The following FHIP2A variants were observed in gnomAD, a reference collection of about 807,000 sequenced individuals.
The protein encoded by FHIP2A is family with sequence similarity 160 member B1.
In FHIP2A, 46 loss-of-function variants were observed where a neutral mutation model predicts 93.5. The observed-to-expected ratio is 0.49, with a 90% CI of 0.39 to 0.63. The LOEUF is 0.63. FHIP2A is among the 20% of genes least tolerant of loss of function. The pLI, the probability that FHIP2A is intolerant of heterozygous loss-of-function variation, is 0.00. For missense variants in FHIP2A, 769 were observed against 909.7 expected (o/e 0.85, Z 1.99); for synonymous variants, 332 against 326.5 (o/e 1.02, Z -0.18).
rs1332952974 is a variant in FHIP2A at position 114,863,484 on chromosome 10, T to C, written c.*1944T>C. The C allele has an allele frequency of 9.8e-6, 11 of 1,120,340 alleles. No homozygotes were observed. In the Middle Eastern group the frequency reaches 1.2e-3, roughly 127 times the overall value. 69.4% of individuals were successfully genotyped at this position (1,120,340 alleles called of 1,614,324 possible). A position where few individuals can be genotyped will look rare whatever the true frequency, so the allele number is the denominator to read the frequency against. ...TTATAACTAGTCCATGAAACCAAGC[T>C]CAGAAAAGCTTTAACTCTTATATTT... On this transcript the variant is annotated 3_prime_UTR_variant, in exon 17 of 17. Transcript: ENST00000369248.
chr10:114,895,552 T>G (rs995820182), intron 16 of FHIP2A, among the ~76,000 whole-genome samples: 4 of 152,214 alleles, frequency 2.6e-5, no homozygotes, highest in African/African-American at 9.7e-5. Flanking sequence ...TATAATCTGC[T>G]GGAGTTTACG....
At chr10:114,846,793 T>C (rs1439209955) in intron 11 of FHIP2A, 65 bp downstream of exon 11, 1 of 1,374,148 alleles carries the variant, frequency 7.3e-7, no homozygotes, top group Non-Finnish European at 9.8e-7. Flanking sequence ...CTCTCTCCTC[T>C]TATCTACCTC....
At chr10:114,892,091 G>T (rs1566390871) in intron 16 of FHIP2A, among the ~76,000 whole-genome samples, 1 of 151,966 alleles carries the variant, frequency 6.6e-6, no homozygotes, top group African/African-American at 2.4e-5. Context: ...AATTAATATA[G>T]AAATATTATA....
chr10:114,855,104 A>G, intron 13 of FHIP2A, 93 bp from the exon 14 acceptor site: 2 of 1,353,850 alleles, frequency 1.5e-6, no homozygotes, highest in Non-Finnish European at 2.0e-6. Context: ...CTGCATTCAA[A>G]TGGTTTTTTA....
At chr10:114,882,096 G>A (rs566609822) in intron 16 of FHIP2A, among the ~76,000 whole-genome samples, 4 of 152,314 alleles carry the variant, frequency 2.6e-5, no homozygotes, top group South Asian at 4.1e-4. Context: ...GCACTGTGCC[G>A]CTGTGAGCAT....
At position 114,860,841 on chromosome 10, in the gene FHIP2A, C is replaced by T. The variant is rs377175709; in HGVS notation, c.2040C>T (p.Tyr680=). ...TCCACGAGTACCTTTTGGATCCTTA[C>T]GTGAACCTCGCTCCTGGCTGTAGAT... is the stretch of plus-strand genomic sequence containing the variant. The part of the protein sequence containing the change: ...PHIHEYLLDP[Y]VNLAPGCRSL... The change falls in exon 15 of 17, where the codon TAC becomes TAT. Residue 680 remains tyrosine, a synonymous_variant. Coordinates refer to ENST00000369248, the MANE Select transcript of FHIP2A (RefSeq NM_020940.4). 3.7e-6 allele frequency: 6 copies of T among 1,613,304 alleles called. No individual in the cohort carries two copies. In the Admixed American group the frequency reaches 6.7e-5, roughly 18 times the overall value.
Position 114,861,603 on chromosome 10 carries a change from A to G in FHIP2A, c.*63A>G. 1 of 1,576,254 alleles carries G rather than the reference A, an allele frequency of 6.3e-7. No individual in the cohort carries two copies. Among genetic ancestry groups the G allele is most frequent in the Non-Finnish European group, 8.6e-7 (1 of 1,164,504 alleles). ...GTGTACATTTCACCAAAAAAGACTC[A>G]GTTCCACCCAGCCACAAGAGGATAA... On this transcript the variant is annotated 3_prime_UTR_variant, in exon 17 of 17. Coordinates refer to ENST00000369248, the MANE Select transcript of FHIP2A (RefSeq NM_020940.4).
chr10:114,846,160 G>C lies in FHIP2A; in HGVS notation c.1206-15G>C. 6.2e-7 allele frequency: 1 copy of C among 1,613,686 alleles called. No individual in the cohort carries two copies. The highest frequency in any genetic ancestry group is 2.2e-5 in the East Asian group (1 of 44,874). On this transcript the variant is annotated splice_polypyrimidine_tract_variant and intron_variant, in intron 9 of 16. Coordinates refer to ENST00000369248, the MANE Select transcript of FHIP2A (RefSeq NM_020940.4). ...TGTTATTTTTGCCCACTGACTACCTGTTCATTGTGCTCAGTTCTGAGATGG... is the reference window on the plus strand; with the variant it reads ...TGTTATTTTTGCCCACTGACTACCTCTTCATTGTGCTCAGTTCTGAGATGG...
Position 114,830,933 on chromosome 10 carries a change from A to G in FHIP2A, c.124+3A>G, listed in dbSNP as rs2083604262. On this transcript the variant is annotated splice_donor_region_variant and intron_variant, in intron 2 of 16. Coordinates refer to ENST00000369248, the MANE Select transcript of FHIP2A (RefSeq NM_020940.4). ...CCATTACTACATAGAGACTTCAGGTAAGGAACAATGCTGATATTAACTGAA... is the reference window on the plus strand; with the variant it reads ...CCATTACTACATAGAGACTTCAGGTGAGGAACAATGCTGATATTAACTGAA... 2 of 1,555,402 alleles carry G rather than the reference A, an allele frequency of 1.3e-6. No homozygotes were observed. Among genetic ancestry groups the G allele is most frequent in the Non-Finnish European group, 1.8e-6 (2 of 1,142,536 alleles).
intron 14 of FHIP2A, 84 bp downstream of exon 14, chr10:114,855,424 A>G: frequency 8.6e-7 from 1 of 1,168,134 alleles, no homozygotes; most frequent in South Asian, 1.7e-5. Context: ...GATCTTCAAT[A>G]AAGTACTTTT....
intron 1 of FHIP2A, among the ~76,000 whole-genome samples, chr10:114,826,918 C>T (rs1227080312): frequency 6.6e-6 from 1 of 152,038 alleles, no homozygotes; most frequent in Admixed American, 6.6e-5. Flanking sequence ...CGCTTGAATC[C>T]GGGAGGCAGA....
chr10:114,845,776 T>A (rs2083697078), intron 8 of FHIP2A, among the ~76,000 whole-genome samples: 1 of 152,198 alleles, frequency 6.6e-6, no homozygotes, highest in Admixed American at 6.5e-5. Flanking sequence ...TAATACTATA[T>A]GGACATTGGA....
At position 114,846,541 on chromosome 10, in the gene FHIP2A, T is replaced by C; in HGVS notation, c.1399-18T>C. The C allele has an allele frequency of 6.4e-7, 1 of 1,566,036 alleles. No individual in the cohort carries two copies. The highest frequency in any genetic ancestry group is 8.6e-7 in the Non-Finnish European group (1 of 1,159,630). Reference sequence around the variant, plus strand: ...GTAAAGACATTTTTCAGTTAGCTTTTATCAATTTTGGTTTCAGATAAGCAT... The same window carrying C: ...GTAAAGACATTTTTCAGTTAGCTTTCATCAATTTTGGTTTCAGATAAGCAT... On this transcript the variant is annotated intron_variant, in intron 10 of 16. Transcript: ENST00000369248.
Position 114,861,744 on chromosome 10 carries a change from G to T in FHIP2A, c.*204G>T, listed in dbSNP as rs1451449763. On this transcript the variant is annotated 3_prime_UTR_variant, in exon 17 of 17. Transcript: ENST00000369248. ...TTGTTTTCATTGGCTTTATCATAATGGTTCTATATATACAATTGCACATTG... is the reference window on the plus strand; with the variant it reads ...TTGTTTTCATTGGCTTTATCATAATTGTTCTATATATACAATTGCACATTG... 1.5e-6 allele frequency: 2 copies of T among 1,324,586 alleles called. No individual in the cohort carries two copies. The highest frequency in any genetic ancestry group is 1.5e-5 in the African/African-American group (1 of 66,728). 82.1% of individuals were successfully genotyped at this position (1,324,586 alleles called of 1,614,324 possible).
chr10:114,896,652 T>C (rs2084002859), intron 16 of FHIP2A, among the ~76,000 whole-genome samples: 1 of 152,210 alleles, frequency 6.6e-6, no homozygotes, highest in South Asian at 2.1e-4. Flanking sequence ...CTTCCTGCCT[T>C]TGCTTCAAGT....
downstream of FHIP2A, among the ~76,000 whole-genome samples, chr10:114,867,931 G>A (rs2083838086): frequency 6.9e-6 from 1 of 145,388 alleles, no homozygotes; most frequent in Admixed American, 7.3e-5. Flanking sequence ...AAAATTCAGT[G>A]TGCTTTATAA....
In FHIP2A at chr10:114,861,412, A is replaced by G; in HGVS notation, c.2193-23A>G. The G allele has an allele frequency of 3.1e-6, 5 of 1,613,828 alleles. No homozygotes were observed. In the South Asian group the frequency reaches 4.4e-5, roughly 14 times the overall value. On this transcript the variant is annotated intron_variant, in intron 16 of 16. Coordinates refer to ENST00000369248, the MANE Select transcript of FHIP2A (RefSeq NM_020940.4). ...ATCGGCTGCTATCTTGAATTGATTT[A>G]TTGTCTGTTTTTTCCTTACCAGTAT... is the stretch of plus-strand genomic sequence containing the variant.
At chr10:114,883,002 G>T (rs1207276649) in intron 16 of FHIP2A, among the ~76,000 whole-genome samples, 1 of 152,180 alleles carries the variant, frequency 6.6e-6, no homozygotes, top group African/African-American at 2.4e-5. Flanking sequence ...GAGCAGCCAG[G>T]AGATGGGCGG....
Position 114,861,766 on chromosome 10 carries a change from A to G in FHIP2A, c.*226A>G, listed in dbSNP as rs1322284930. ...AATGGTTCTATATATACAATTGCAC[A>G]TTGTTGAATCCAGGATACAATCAAA... On this transcript the variant is annotated 3_prime_UTR_variant, in exon 17 of 17. Transcript: ENST00000369248. 8.3e-7 allele frequency: 1 copy of G among 1,208,746 alleles called. No individual in the cohort carries two copies. The highest frequency in any genetic ancestry group is 1.0e-6 in the Non-Finnish European group (1 of 968,808). The allele number at this position is 1,208,746 out of a possible 1,614,324, so 74.9% of individuals were successfully genotyped here. A position where few individuals can be genotyped will look rare whatever the true frequency, so the allele number is the denominator to read the frequency against.
Sources: allele counts gnomAD v4.1 joint callset (sites outside exome capture counted in the v4.1 genomes callset), GRCh38; gene constraint gnomAD v4.1.1; transcripts MANE v1.5; gene names NCBI Gene and HGNC (gene_info 2026-07-23, HGNC 2026-07-21).